ADAMTS20: variants seen among roughly 807,000 people sequenced by gnomAD.
ADAMTS20 encodes A disintegrin and metalloproteinase with thrombospondin motifs 20.
Under a neutral mutation model 260.1 loss-of-function variants are expected in ADAMTS20, and 225 were observed. The observed-to-expected ratio is 0.87, with a 90% CI of 0.78 to 0.97. ADAMTS20 has a LOEUF of 0.97. Ranked by LOEUF, ADAMTS20 falls within the 50% of genes least tolerant of loss-of-function variation. The probability of loss-of-function intolerance (pLI) is 0.00; values close to 1 mark genes in which losing one functional copy is unlikely to be tolerated. For synonymous variants in ADAMTS20, 802 were observed against 769.5 expected (o/e 1.04, Z -0.70); for missense variants, 2,400 against 2,337.7 (o/e 1.03, Z -0.55).
chr12:43,419,366 G>A (rs1036058272), intron 28 of ADAMTS20, among the ~76,000 whole-genome samples: 1 of 152,024 alleles, frequency 6.6e-6, no homozygotes, highest in Admixed American at 6.5e-5. Context: ...TGAGTGATGT[G>A]ATAATGTAGA....
At chr12:43,487,758 A>C (rs921530419) in intron 7 of ADAMTS20, among the ~76,000 whole-genome samples, 1 of 152,176 alleles carries the variant, frequency 6.6e-6, no homozygotes, top group Admixed American at 6.5e-5. Flanking sequence ...AAGTCCAAAA[A>C]TAGCCAAAAT....
chr12:43,496,518 C>A (rs747361108), intron 4 of ADAMTS20, among the ~76,000 whole-genome samples: 1 of 152,200 alleles, frequency 6.6e-6, no homozygotes, highest in Non-Finnish European at 1.5e-5. Context: ...CTGTTATAGT[C>A]ACTTGCCCGT....
intron 28 of ADAMTS20, among the ~76,000 whole-genome samples, chr12:43,418,908 A>G (rs988621319): frequency 6.6e-6 from 1 of 152,202 alleles, no homozygotes; most frequent in African/African-American, 2.4e-5. Context: ...AGGAGCATTC[A>G]GTGACAAACC....
At position 43,522,621 on chromosome 12, in the gene ADAMTS20, C is replaced by T. The variant is rs11836630; in HGVS notation, c.613+9415G>A. ...CAAGCCATAGCAGAACTACACTTCA[C>T]AGAATTCAGAGGCTTTGTTTCATTC... On this transcript the variant is annotated intron_variant, in intron 3 of 38. Transcript: ENST00000389420. 1.4e-3 allele frequency among the ~76,000 whole-genome samples: 215 copies of T among 152,304 alleles called. 1 individual carries two copies. The highest frequency in any genetic ancestry group is 4.9e-3 in the African/African-American group (205 of 41,562).
chr12:43,454,769 A>G (rs1288322627), intron 11 of ADAMTS20, among the ~76,000 whole-genome samples: 2 of 152,244 alleles, frequency 1.3e-5, no homozygotes, highest in Non-Finnish European at 2.9e-5. Flanking sequence ...TCTATGAATT[A>G]GTTTCCAGAC....
chr12:43,530,293 C>A (rs1271705069), intron 3 of ADAMTS20, among the ~76,000 whole-genome samples: 1 of 152,050 alleles, frequency 6.6e-6, no homozygotes, highest in Non-Finnish European at 1.5e-5. Flanking sequence ...TCTTAAGAAG[C>A]TAAACAATTC....
At chr12:43,353,242 A>AT (rs1939672474), downstream of ADAMTS20, among the ~76,000 whole-genome samples, 1 of 152,064 alleles carries the variant, frequency 6.6e-6, no homozygotes, top group Admixed American at 6.5e-5. Context: ...TCTGGCTTTG[A>AT]GAAACCTCTG....
At chr12:43,439,476 A>G in intron 18 of ADAMTS20, 146 bp downstream of exon 18, 1 of 919,200 alleles carries the variant, frequency 1.1e-6, no homozygotes, top group Non-Finnish European at 1.6e-6. Context: ...AGTAGAAAGG[A>G]AAAAAAGATT....
At chr12:43,439,122 C>T (rs1193619366) in intron 18 of ADAMTS20, among the ~76,000 whole-genome samples, 1 of 152,208 alleles carries the variant, frequency 6.6e-6, no homozygotes, top group African/African-American at 2.4e-5. Context: ...GCTGTTCCCA[C>T]TCTGCTCCTT....
chr12:43,443,786 T>G lies in ADAMTS20; in HGVS notation c.2290+5A>C. 1 of 1,610,246 alleles carries G rather than the reference T, an allele frequency of 6.2e-7. No homozygotes were observed. The highest frequency in any genetic ancestry group is 8.5e-7 in the Non-Finnish European group (1 of 1,176,942). On this transcript the variant is annotated splice_donor_5th_base_variant and intron_variant, in intron 16 of 38. Coordinates refer to ENST00000389420, the MANE Select transcript of ADAMTS20 (RefSeq NM_025003.5). ...TACTGGCTGTTGTTTACGAGAAATGTTTACCAAGGTAACTGTCATCTGGTT... is the reference window on the plus strand; with the variant it reads ...TACTGGCTGTTGTTTACGAGAAATGGTTACCAAGGTAACTGTCATCTGGTT...
intron 28 of ADAMTS20, chr12:43,423,784 A>G (rs1194284144): frequency 1.8e-5 from 13 of 702,730 alleles, no homozygotes; most frequent in African/African-American, 1.4e-4. Context: ...TCTCTGGATC[A>G]CAGTGCCTAG....
chr12:43,446,061 T>A (rs756171431), intron 15 of ADAMTS20, among the ~76,000 whole-genome samples: 2 of 152,150 alleles, frequency 1.3e-5, no homozygotes, highest in Non-Finnish European at 1.5e-5. Context: ...AAATCAAATG[T>A]GACAATAATT....
chr12:43,358,697 C>T lies in ADAMTS20; in HGVS notation c.5539-2109G>A, dbSNP rs370853852. Among the ~76,000 whole-genome samples, 691 of 151,042 alleles carry T rather than the reference C, an allele frequency of 4.6e-3. 4 individuals carry two copies. The highest frequency in any genetic ancestry group is 0.016 in the African/African-American group (652 of 41,078). Reference sequence around the variant, plus strand: ...ACTAAAAATACAAAAATTAGCCAGGCATGGTGGCGCGCGCCTGTAGTCCCA... The same window carrying T: ...ACTAAAAATACAAAAATTAGCCAGGTATGGTGGCGCGCGCCTGTAGTCCCA... On this transcript the variant is annotated intron_variant, in intron 37 of 38. Coordinates refer to ENST00000389420, the MANE Select transcript of ADAMTS20 (RefSeq NM_025003.5).
At chr12:43,475,746 G>T (rs989072532) in intron 7 of ADAMTS20, among the ~76,000 whole-genome samples, 21 of 150,332 alleles carry the variant, frequency 1.4e-4, no homozygotes, top group African/African-American at 4.9e-4. Context: ...AATGGGGAAA[G>T]GATTCCCTAT....
At chr12:43,447,192 A>AG (rs1336821949) in intron 14 of ADAMTS20, among the ~76,000 whole-genome samples, 1 of 152,016 alleles carries the variant, frequency 6.6e-6, no homozygotes, top group Admixed American at 6.6e-5. Flanking sequence ...ACAAAAAAAA[A>AG]AGAAAATTTT....
intron 28 of ADAMTS20, among the ~76,000 whole-genome samples, chr12:43,408,884 T>C (rs937416300): frequency 3.9e-5 from 6 of 152,156 alleles, no homozygotes; most frequent in Non-Finnish European, 8.8e-5. Context: ...AGGCCTACAA[T>C]TGAATCTCAG....
intron 18 of ADAMTS20, among the ~76,000 whole-genome samples, chr12:43,437,949 AC>A (rs1295796518): frequency 1.3e-5 from 2 of 152,206 alleles, no homozygotes; most frequent in Non-Finnish European, 2.9e-5. Context: ...AATATGCTTG[AC>A]AATATTAAGA....
intron 3 of ADAMTS20, among the ~76,000 whole-genome samples, chr12:43,506,344 T>A (rs1410722372): frequency 6.6e-6 from 1 of 151,518 alleles, no homozygotes; most frequent in Admixed American, 6.6e-5. Context: ...AAAGGGAAAA[T>A]GGGGAGTTGT....
At chr12:43,376,464 AT>A (rs1290579164) in intron 33 of ADAMTS20, 59 bp downstream of exon 33, 6 of 1,541,130 alleles carry the variant, frequency 3.9e-6, no homozygotes, top group Non-Finnish European at 4.4e-6. Context: ...ACAGATATTT[AT>A]TTTAACTGAA....
Sources: allele counts gnomAD v4.1 joint callset (sites outside exome capture counted in the v4.1 genomes callset), GRCh38; gene constraint gnomAD v4.1.1; transcripts MANE v1.5; gene names NCBI Gene and HGNC (gene_info 2026-07-23, HGNC 2026-07-21).